The following CAMTA1 variants were observed in gnomAD, a reference collection of about 807,000 sequenced individuals.
The protein encoded by CAMTA1 is calmodulin-binding transcription activator 1.
Under a neutral mutation model 170.9 loss-of-function variants are expected in CAMTA1, and 27 were observed. The observed-to-expected ratio is 0.16, with a 90% CI of 0.12 to 0.22. The LOEUF (loss-of-function observed/expected upper bound fraction) is 0.22. Among genes scored for constraint, CAMTA1 ranks in the 10% least tolerant of loss-of-function variants. The pLI, the probability that CAMTA1 is intolerant of heterozygous loss-of-function variation, is 1.00. For missense variants in CAMTA1, 1,619 were observed against 2,217.2 expected, an observed-to-expected ratio of 0.73 and a Z score of 5.42; for synonymous variants, 833 against 891.5, an observed-to-expected ratio of 0.93 and a Z score of 1.17.
intron 4 of CAMTA1, among the ~76,000 whole-genome samples, chr1:7,129,380 GTCTC>G (rs1326371039): frequency 6.6e-6 from 1 of 152,060 alleles, no homozygotes; most frequent in Non-Finnish European, 1.5e-5. Flanking sequence ...CCAGGTTGCT[GTCTC>G]TCTCTCCTTT....
rs1332733956 is a variant in CAMTA1 at position 7,475,901 on chromosome 1, C to A, written c.510+8000C>A. Among the ~76,000 whole-genome samples, 49 of 152,222 alleles carry A rather than the reference C, an allele frequency of 3.2e-4. 1 individual carries two copies. Among genetic ancestry groups the A allele is most frequent in the Admixed American group, 3.2e-3 (49 of 15,292 alleles). On this transcript the variant is annotated intron_variant, in intron 6 of 22. Coordinates refer to ENST00000303635, the MANE Select transcript of CAMTA1 (RefSeq NM_015215.4). ...TCCTGGGGGAGCCCACAGGCCACAG[C>A]GGCCAGGCCCAAGGTGCACACATGT...
At chr1:7,637,947 AAGG>A (rs1351825139) in intron 6 of CAMTA1, among the ~76,000 whole-genome samples, 3 of 152,260 alleles carry the variant, frequency 2.0e-5, no homozygotes, top group Non-Finnish European at 4.4e-5. Context: ...AGCCGCCATT[AAGG>A]AGAAGGCTCC....
At chr1:6,884,797 C>T (rs1672719645) in intron 3 of CAMTA1, among the ~76,000 whole-genome samples, 1 of 152,222 alleles carries the variant, frequency 6.6e-6, no homozygotes, top group Non-Finnish European at 1.5e-5. Flanking sequence ...TCTAAGCAGT[C>T]TAGAGCATGT....
chr1:7,077,800 G>A (rs1358209373), intron 3 of CAMTA1, among the ~76,000 whole-genome samples: 1 of 152,076 alleles, frequency 6.6e-6, no homozygotes, highest in Non-Finnish European at 1.5e-5. Context: ...GAGGCAAAAT[G>A]CCCACTTCTG....
chr1:7,618,762 C>A (rs906912631), intron 6 of CAMTA1, among the ~76,000 whole-genome samples: 4 of 152,106 alleles, frequency 2.6e-5, no homozygotes, highest in African/African-American at 9.7e-5. Flanking sequence ...GTTTCTTCTC[C>A]CATTATGAGA....
chr1:6,991,350 A>G (rs1696342567), intron 3 of CAMTA1, among the ~76,000 whole-genome samples: 1 of 152,174 alleles, frequency 6.6e-6, no homozygotes, highest in Admixed American at 6.5e-5. Context: ...TTCCACCAGC[A>G]ATGTATGAGG....
At chr1:7,504,888 T>C (rs2094075444) in intron 6 of CAMTA1, among the ~76,000 whole-genome samples, 1 of 152,226 alleles carries the variant, frequency 6.6e-6, no homozygotes, top group Admixed American at 6.5e-5. Context: ...GCAGAATCAC[T>C]GGGCAGGAGG....
intron 4 of CAMTA1, among the ~76,000 whole-genome samples, chr1:7,097,013 C>G (rs896860499): frequency 6.6e-6 from 1 of 152,192 alleles, no homozygotes; most frequent in Non-Finnish European, 1.5e-5. Context: ...TTCTTGTCCC[C>G]CACTTTGGCC....
intron 4 of CAMTA1, among the ~76,000 whole-genome samples, chr1:7,240,053 C>G (rs1406855316): frequency 6.6e-6 from 1 of 152,178 alleles, no homozygotes; most frequent in Non-Finnish European, 1.5e-5. Context: ...CAACACATGA[C>G]CTTTAGGGGG....
chr1:6,930,581 C>T (rs1338633300), intron 3 of CAMTA1, among the ~76,000 whole-genome samples: 1 of 152,216 alleles, frequency 6.6e-6, no homozygotes, highest in Non-Finnish European at 1.5e-5. Context: ...GCCCTCATCA[C>T]TGCTGTTCCC....
intron 5 of CAMTA1, among the ~76,000 whole-genome samples, chr1:7,308,812 G>A (rs75791603): frequency 0.034 from 5,125 of 152,218 alleles, 298 homozygotes; most frequent in African/African-American, 0.12. Context: ...GTTGGGTAGC[G>A]TACTCTCAAC....
chr1:7,738,142 A>C lies in CAMTA1; in HGVS notation c.3842A>C (p.Gln1281Pro). ...NIRKQSPSSK[Q>P]SVPETLSPSE... ...AGGAAGCAAAGCCCTAGTTCTAAGC[A>C]GTCTGTCCCCGAGACACTCAGCCCC... The change falls in exon 16 of 23, where the codon CAG becomes CCG. Residue 1281 changes from glutamine to proline, a missense_variant. Gln to Pro is a moderately conservative substitution (Grantham distance 76). Transcript: ENST00000303635. This position sits in a 1 kb window ranked among gnomAD's most constrained non-coding sequence, Gnocchi z 4.9. 6.2e-7 allele frequency: 1 copy of C among 1,614,072 alleles called. No individual in the cohort carries two copies. Among genetic ancestry groups the C allele is most frequent in the Non-Finnish European group, 8.5e-7 (1 of 1,179,962 alleles).
rs116446450 is a variant in CAMTA1 at position 7,498,671 on chromosome 1, T to C, written c.510+30770T>C. ...GAATGTATGTGGATGTATGACTACA[T>C]TGAGTGCATGCATATGTATGTGTGT... On this transcript the variant is annotated intron_variant, in intron 6 of 22. Coordinates refer to ENST00000303635, the MANE Select transcript of CAMTA1 (RefSeq NM_015215.4). 9.1e-3 allele frequency among the ~76,000 whole-genome samples: 1,377 copies of C among 152,110 alleles called. 23 individuals are homozygous for C. Among genetic ancestry groups the C allele is most frequent in the African/African-American group, 0.03 (1,261 of 41,474 alleles).
Position 6,992,552 on chromosome 1 carries a change from G to T in CAMTA1, c.235-98752G>T, listed in dbSNP as rs570190504. ...TGCTAGAAAGAAATACCTGAGACTGGGTAATTTATCAAGAAAAGAGGTTTA... is the reference window on the plus strand; with the variant it reads ...TGCTAGAAAGAAATACCTGAGACTGTGTAATTTATCAAGAAAAGAGGTTTA... On this transcript the variant is annotated intron_variant, in intron 3 of 22. Transcript: ENST00000303635. 2.6e-5 allele frequency among the ~76,000 whole-genome samples: 4 copies of T among 152,286 alleles called. No homozygotes were observed. In the East Asian group the frequency reaches 5.8e-4, roughly 22 times the overall value.
chr1:7,224,121 A>C lies in CAMTA1; in HGVS notation c.303-25370A>C, dbSNP rs1661280563. Among the ~76,000 whole-genome samples, 1 of 152,192 alleles carries C rather than the reference A, an allele frequency of 6.6e-6. No individual in the cohort carries two copies. Among genetic ancestry groups the C allele is most frequent in the Non-Finnish European group, 1.5e-5 (1 of 68,028 alleles). ...GATGGGGCACCTTAACGTTTGTAGC[A>C]CCTTTACATAAAGCCAGAGTGCTCA... is the stretch of plus-strand genomic sequence containing the variant. On this transcript the variant is annotated intron_variant, in intron 4 of 22. Transcript: ENST00000303635. The surrounding 1 kb of genome is among the most constrained non-coding windows in gnomAD (Gnocchi z 5.2).
At chr1:7,319,657 A>G (rs989971561) in intron 5 of CAMTA1, among the ~76,000 whole-genome samples, 27 of 152,212 alleles carry the variant, frequency 1.8e-4, no homozygotes, top group African/African-American at 6.5e-4. Context: ...GCATCAGGAT[A>G]TAATCATTCA....
At chr1:6,813,867 C>T (rs1645473186) in intron 1 of CAMTA1, among the ~76,000 whole-genome samples, 1 of 152,118 alleles carries the variant, frequency 6.6e-6, no homozygotes, top group South Asian at 2.1e-4. Flanking sequence ...AATTCGGTGG[C>T]CTTATAGGAA....
rs556636703 is a variant in CAMTA1, at chr1:6,949,661, C to T, written c.234+124451C>T. On this transcript the variant is annotated intron_variant, in intron 3 of 22. Coordinates refer to ENST00000303635, the MANE Select transcript of CAMTA1 (RefSeq NM_015215.4). ...AGATGCCAGAGTCAGATCCCTGCAG[C>T]TCACTCTCTGAATGACCTTGGGCAA... Among the ~76,000 whole-genome samples the T allele has an allele frequency of 6.6e-5, 10 of 152,350 alleles. No individual in the cohort carries two copies. The South Asian group carries it at 2.1e-3, about 32-fold the overall frequency.
intron 6 of CAMTA1, among the ~76,000 whole-genome samples, chr1:7,600,586 A>G (rs1301974375): frequency 6.6e-6 from 1 of 151,660 alleles, no homozygotes; most frequent in African/African-American, 2.4e-5. Context: ...TCAGCAGATA[A>G]GTGAACAAAG....
Sources: gnomAD v4.1 joint callset for allele counts (sites outside exome capture counted in the v4.1 genomes callset) on GRCh38, gnomAD v4.1.1 for gene constraint, Gnocchi (gnomAD v3.1) non-coding constraint, MANE v1.5 for transcripts, NCBI Gene and HGNC (gene_info 2026-07-23, HGNC 2026-07-21) for gene names.